The following CNTNAP2 variants were observed in gnomAD, a reference collection of about 807,000 sequenced individuals.
CNTNAP2 encodes the protein contactin associated protein 2, also known as contactin-associated protein-like 2.
A neutral mutation model predicts 155.2 loss-of-function variants in CNTNAP2; 98 were observed. The observed-to-expected ratio is 0.63, with a 90% confidence interval of 0.54 to 0.75. The LOEUF is 0.75. Ranked by LOEUF, CNTNAP2 falls within the 30% of genes least tolerant of loss-of-function variation. CNTNAP2 has a pLI of 0.00. For missense variants in CNTNAP2, 1,727 were observed against 1,688.1 expected, an observed-to-expected ratio of 1.02 and a Z score of -0.40; for synonymous variants, 651 against 631.2, an observed-to-expected ratio of 1.03 and a Z score of -0.47.
chr7:146,205,610 A>G lies in CNTNAP2; in HGVS notation c.97+88637A>G, dbSNP rs573848584. ...GAAATAAAGTATATAATAAAAAAGT[A>G]CTGATTTCTAGGGAAAAATAAATAA... On this transcript the variant is annotated intron_variant, in intron 1 of 23. Coordinates refer to ENST00000361727, the MANE Select transcript of CNTNAP2 (RefSeq NM_014141.6). Among the ~76,000 whole-genome samples the G allele has an allele frequency of 1.2e-3, 184 of 152,004 alleles. 1 individual carries two copies. Among genetic ancestry groups the G allele is most frequent in the African/African-American group, 4.2e-3 (173 of 41,546 alleles).
chr7:146,599,738 A>C (rs1264020599), intron 1 of CNTNAP2, among the ~76,000 whole-genome samples: 1 of 129,016 alleles, frequency 7.8e-6, no homozygotes, highest in Non-Finnish European at 1.6e-5. Context: ...GAAAGACGAC[A>C]GACAGAGATA....
intron 1 of CNTNAP2, among the ~76,000 whole-genome samples, chr7:146,289,738 TA>T (rs2129086392): frequency 6.6e-6 from 1 of 152,294 alleles, no homozygotes; most frequent in African/African-American, 2.4e-5. Flanking sequence ...CAATCTCTTT[TA>T]CTAAAAAATA....
chr7:147,972,944 A>G (rs891673168), intron 14 of CNTNAP2, among the ~76,000 whole-genome samples: 5 of 152,186 alleles, frequency 3.3e-5, no homozygotes, highest in African/African-American at 1.2e-4. Context: ...TGAAGCCAGG[A>G]GTTTGGGACC....
rs746349465 is a variant in CNTNAP2, at chr7:148,218,936, C to CTTTTT, written c.3247+1432_3247+1436dup. Among the ~76,000 whole-genome samples, 527 of 73,654 alleles carry CTTTTT rather than the reference C, an allele frequency of 7.2e-3. 29 individuals are homozygous for CTTTTT. Among genetic ancestry groups the CTTTTT allele is most frequent in the African/African-American group, 0.014 (246 of 17,266 alleles). The allele number at this position is 73,654 out of a possible 152,430, so 48.3% of individuals were successfully genotyped here. The stretch of plus-strand genomic sequence containing the variant: ...TATACCTTAGAATTCTAAGATCACT[C>CTTTTT]TTTTTTTTTTTTTTTTTTTTTTTTG... On this transcript the variant is annotated intron_variant, in intron 19 of 23. Coordinates refer to ENST00000361727, the MANE Select transcript of CNTNAP2 (RefSeq NM_014141.6).
intron 11 of CNTNAP2, among the ~76,000 whole-genome samples, chr7:147,509,329 A>G (rs1331213951): frequency 1.3e-5 from 2 of 152,192 alleles, no homozygotes; most frequent in Non-Finnish European, 2.9e-5. Context: ...ATATCTTATT[A>G]ACTTCTCATA....
intron 13 of CNTNAP2, among the ~76,000 whole-genome samples, chr7:147,836,206 A>G (rs1798631311): frequency 6.6e-6 from 1 of 152,188 alleles, no homozygotes; most frequent in South Asian, 2.1e-4. Context: ...AAATAACAGT[A>G]CTTTGAACTT....
At chr7:146,889,284 G>A (rs899285399) in intron 3 of CNTNAP2, among the ~76,000 whole-genome samples, 14 of 152,054 alleles carry the variant, frequency 9.2e-5, no homozygotes, top group African/African-American at 3.4e-4. Flanking sequence ...TAGGGTCATT[G>A]AATCTAAAAT....
intron 1 of CNTNAP2, among the ~76,000 whole-genome samples, chr7:146,635,597 T>C (rs1425383436): frequency 6.6e-6 from 1 of 152,172 alleles, no homozygotes; most frequent in Non-Finnish European, 1.5e-5. Context: ...ATACTGGGTG[T>C]ATTACAAGGA....
intron 11 of CNTNAP2, among the ~76,000 whole-genome samples, chr7:147,504,091 C>A (rs1798864912): frequency 6.6e-6 from 1 of 152,198 alleles, no homozygotes; most frequent in South Asian, 2.1e-4. Context: ...TCCCTCCCTT[C>A]TGCCATGGCA....
At chr7:146,659,764 TTTC>T (rs1341595105) in intron 1 of CNTNAP2, among the ~76,000 whole-genome samples, 1 of 151,850 alleles carries the variant, frequency 6.6e-6, no homozygotes, top group Admixed American at 6.6e-5. Flanking sequence ...ATTAAAGGAG[TTTC>T]TTATCAGCCC....
chr7:147,273,765 A>G (rs1804819664), intron 8 of CNTNAP2, among the ~76,000 whole-genome samples: 1 of 147,044 alleles, frequency 6.8e-6, no homozygotes, highest in South Asian at 2.1e-4. Context: ...TATATATTTT[A>G]TACATATATA....
intron 13 of CNTNAP2, among the ~76,000 whole-genome samples, chr7:147,889,542 A>T (rs1799652906): frequency 1.3e-5 from 2 of 152,298 alleles, no homozygotes; most frequent in South Asian, 4.1e-4. Flanking sequence ...ATAGCATAAA[A>T]ATTTCCAAAT....
chr7:147,630,734 C>T lies in CNTNAP2; in HGVS notation c.1898-8372C>T, dbSNP rs184781150. On this transcript the variant is annotated intron_variant, in intron 12 of 23. Coordinates refer to ENST00000361727, the MANE Select transcript of CNTNAP2 (RefSeq NM_014141.6). ...TAACAACAGAAGTCATATGAGCATCCCAATAGATGCAGAAAAAGCATTTGA... is the reference window on the plus strand; with the variant it reads ...TAACAACAGAAGTCATATGAGCATCTCAATAGATGCAGAAAAAGCATTTGA... Among the ~76,000 whole-genome samples the T allele has an allele frequency of 7.2e-5, 11 of 152,096 alleles. No individual in the cohort carries two copies. The East Asian group carries it at 2.1e-3, about 29-fold the overall frequency.
chr7:148,010,772 G>A (rs1221919344), intron 15 of CNTNAP2, among the ~76,000 whole-genome samples: 1 of 151,780 alleles, frequency 6.6e-6, no homozygotes, highest in Non-Finnish European at 1.5e-5. Context: ...CATATGCACA[G>A]TCTCCCCTAC....
chr7:146,630,125 C>T (rs540427783), intron 1 of CNTNAP2, among the ~76,000 whole-genome samples: 4 of 151,936 alleles, frequency 2.6e-5, no homozygotes, highest in Non-Finnish European at 5.9e-5. Context: ...TAATGCTCTC[C>T]CTCCCCTAGC....
At chr7:146,914,469 T>G (rs186214001) in intron 3 of CNTNAP2, among the ~76,000 whole-genome samples, 1 of 152,054 alleles carries the variant, frequency 6.6e-6, no homozygotes, top group Non-Finnish European at 1.5e-5. Flanking sequence ...TATTTTTTTT[T>G]AATTTTTTTA....
intron 1 of CNTNAP2, among the ~76,000 whole-genome samples, chr7:146,323,423 G>C (rs1034860372): frequency 2.0e-5 from 3 of 151,714 alleles, no homozygotes; most frequent in African/African-American, 7.3e-5. Flanking sequence ...ACCAAACAGA[G>C]GCTACAGTAC....
intron 1 of CNTNAP2, among the ~76,000 whole-genome samples, chr7:146,451,954 G>A (rs1796490133): frequency 6.6e-6 from 1 of 150,396 alleles, no homozygotes; most frequent in Non-Finnish European, 1.5e-5. Flanking sequence ...TGTCACCCAG[G>A]CTGGAGTGCA....
At chr7:148,118,722 C>T (rs1804530515) in intron 16 of CNTNAP2, among the ~76,000 whole-genome samples, 1 of 152,148 alleles carries the variant, frequency 6.6e-6, no homozygotes, top group African/African-American at 2.4e-5. Flanking sequence ...CGTGTGAGTT[C>T]AGGAGGCCAC....
Sources: gnomAD v4.1 joint callset for allele counts (sites outside exome capture counted in the v4.1 genomes callset) on GRCh38, gnomAD v4.1.1 for gene constraint, MANE v1.5 for transcripts, NCBI Gene and HGNC (gene_info 2026-07-23, HGNC 2026-07-21) for gene names.